Variants in NCKAP5 observed in about 807,000 individuals in gnomAD.
The protein encoded by NCKAP5 is nck-associated protein 5.
Under a neutral mutation model 167.0 loss-of-function variants are expected in NCKAP5, and 92 were observed. The ratio of observed to expected loss-of-function variants is 0.55; its 90% CI spans 0.47 to 0.66. The LOEUF is 0.66. Among genes scored for constraint, NCKAP5 ranks in the 30% least tolerant of loss-of-function variants. The pLI, the probability that NCKAP5 is intolerant of heterozygous loss-of-function variation, is 0.00. For synonymous variants in NCKAP5, 891 were observed against 877.4 expected (o/e 1.02, Z -0.27); for missense variants, 2,378 against 2,315.0 (o/e 1.03, Z -0.56).
intron 17 of NCKAP5, among the ~76,000 whole-genome samples, chr2:132,730,557 C>T (rs1036943073): frequency 3.3e-5 from 5 of 152,144 alleles, no homozygotes; most frequent in African/African-American, 1.2e-4. Context: ...ATATTAGCAG[C>T]AACATCTGAA....
At chr2:133,334,990 A>G (rs1683116463) in intron 3 of NCKAP5, among the ~76,000 whole-genome samples, 1 of 152,230 alleles carries the variant, frequency 6.6e-6, no homozygotes, top group African/African-American at 2.4e-5. Context: ...ACTACCTCCT[A>G]TAATAATGAC....
chr2:132,791,067 T>C (rs1437519020), intron 12 of NCKAP5, among the ~76,000 whole-genome samples: 2 of 152,190 alleles, frequency 1.3e-5, no homozygotes, highest in African/African-American at 2.4e-5. Flanking sequence ...CCACTAAGCA[T>C]GCACTCTTGA....
At chr2:133,293,579 A>G (rs1441335226) in intron 4 of NCKAP5, among the ~76,000 whole-genome samples, 4 of 152,156 alleles carry the variant, frequency 2.6e-5, no homozygotes, top group Non-Finnish European at 1.5e-5. Context: ...TGGTTATAAG[A>G]AGCCTGAACA....
chr2:132,797,139 C>G (rs888993946), intron 11 of NCKAP5, among the ~76,000 whole-genome samples: 1 of 152,176 alleles, frequency 6.6e-6, no homozygotes, highest in Non-Finnish European at 1.5e-5. Context: ...AAAATCTGAG[C>G]AGATAATTAT....
chr2:133,388,149 A>AT (rs1211446315), intron 3 of NCKAP5, among the ~76,000 whole-genome samples: 2 of 150,564 alleles, frequency 1.3e-5, no homozygotes, highest in African/African-American at 5.0e-5. Context: ...ATTTTCTGTT[A>AT]TTTTTTTCCC....
chr2:133,271,237 G>C (rs2089498578), intron 4 of NCKAP5, among the ~76,000 whole-genome samples: 1 of 151,836 alleles, frequency 6.6e-6, no homozygotes, highest in African/African-American at 2.4e-5. Flanking sequence ...CGGCCTTGTT[G>C]CTTCATTCTT....
intron 3 of NCKAP5, among the ~76,000 whole-genome samples, chr2:133,408,181 T>C (rs985378570): frequency 3.3e-5 from 5 of 152,160 alleles, no homozygotes; most frequent in African/African-American, 9.7e-5. Context: ...AACCATCTGA[T>C]TGAAGGCATG....
At chr2:133,563,897 G>T (rs1257214719) in intron 1 of NCKAP5, among the ~76,000 whole-genome samples, 1 of 152,154 alleles carries the variant, frequency 6.6e-6, no homozygotes, top group Non-Finnish European at 1.5e-5. Context: ...ACTTTGGGAG[G>T]CTGAGGCAGA....
intron 5 of NCKAP5, among the ~76,000 whole-genome samples, chr2:133,185,315 T>C (rs375140253): frequency 6.6e-6 from 1 of 152,286 alleles, no homozygotes; most frequent in South Asian, 2.1e-4. Context: ...TTCTCACTGG[T>C]CTATGTGTCT....
At chr2:133,057,742 A>G (rs2079854885) in intron 6 of NCKAP5, among the ~76,000 whole-genome samples, 1 of 152,278 alleles carries the variant, frequency 6.6e-6, no homozygotes, top group African/African-American at 2.4e-5. Flanking sequence ...AGGTGCTTTT[A>G]TATGAAAAAC....
At chr2:133,279,222 C>T (rs1479299339) in intron 4 of NCKAP5, among the ~76,000 whole-genome samples, 1 of 152,188 alleles carries the variant, frequency 6.6e-6, no homozygotes, top group East Asian at 1.9e-4. Flanking sequence ...TATTGCCGCA[C>T]TATCACTGCC....
intron 12 of NCKAP5, among the ~76,000 whole-genome samples, chr2:132,795,625 CCTGA>C (rs961656453): frequency 6.0e-4 from 91 of 152,048 alleles, no homozygotes; most frequent in African/African-American, 2.1e-3. Flanking sequence ...TCGAGACCAG[CCTGA>C]CTAACATGGT....
At chr2:132,907,638 A>G (rs1461160799) in intron 8 of NCKAP5, among the ~76,000 whole-genome samples, 2 of 152,038 alleles carry the variant, frequency 1.3e-5, no homozygotes, top group East Asian at 3.9e-4. Flanking sequence ...TTAGATAAAC[A>G]TCTCAGTTAA....
chr2:133,259,346 T>C (rs1033629746), intron 4 of NCKAP5, among the ~76,000 whole-genome samples: 5 of 152,244 alleles, frequency 3.3e-5, no homozygotes, highest in Admixed American at 6.5e-5. Flanking sequence ...TTGAAGGCAT[T>C]TGTATTTTAT....
intron 3 of NCKAP5, among the ~76,000 whole-genome samples, chr2:133,348,916 C>T (rs1684162410): frequency 6.6e-6 from 1 of 152,098 alleles, no homozygotes; most frequent in African/African-American, 2.4e-5. Flanking sequence ...TAAGTAAATA[C>T]CAAAATATTT....
At chr2:133,402,268 A>T (rs755120044) in intron 3 of NCKAP5, among the ~76,000 whole-genome samples, 2 of 152,026 alleles carry the variant, frequency 1.3e-5, no homozygotes, top group Non-Finnish European at 2.9e-5. Flanking sequence ...ATCCAGAAAA[A>T]CCCTAAAATA....
intron 3 of NCKAP5, among the ~76,000 whole-genome samples, chr2:133,412,519 T>G (rs1027240345): frequency 1.3e-5 from 2 of 152,196 alleles, no homozygotes; most frequent in East Asian, 3.9e-4. Flanking sequence ...AAGGCTCAGG[T>G]CTCTCATTAA....
intron 16 of NCKAP5, among the ~76,000 whole-genome samples, chr2:132,752,970 G>A (rs763601301): frequency 6.6e-6 from 1 of 152,162 alleles, no homozygotes; most frequent in Non-Finnish European, 1.5e-5. Context: ...TAGCCTTTTT[G>A]TTCTACTTGG....
At chr2:133,424,541 T>C (rs1171077540) in intron 3 of NCKAP5, among the ~76,000 whole-genome samples, 1 of 152,170 alleles carries the variant, frequency 6.6e-6, no homozygotes, top group Admixed American at 6.5e-5. Context: ...TGAGTAAAAA[T>C]TGTGATGTGA....
Sources: gnomAD v4.1 joint callset for allele counts (sites outside exome capture counted in the v4.1 genomes callset) on GRCh38, gnomAD v4.1.1 for gene constraint, MANE v1.5 for transcripts, NCBI Gene and HGNC (gene_info 2026-07-23, HGNC 2026-07-21) for gene names.